The following CHODL variants were observed in gnomAD, a reference collection of about 807,000 sequenced individuals.
CHODL encodes chondrolectin.
A neutral mutation model predicts 34.5 loss-of-function variants in CHODL; 29 were observed. That is an observed-to-expected ratio of 0.84 (90% CI 0.63 to 1.15). The LOEUF is 1.15. Among genes scored for constraint, CHODL ranks in the 50% most tolerant of loss-of-function variants. CHODL has a pLI of 0.00. For missense variants in CHODL, 332 were observed against 332.5 expected, an observed-to-expected ratio of 1.00 and a Z score of 0.01; for synonymous variants, 125 against 116.1, an observed-to-expected ratio of 1.08 and a Z score of -0.49.
At chr21:18,132,205 A>C (rs1306288737) in intron 2 of CHODL, among the ~76,000 whole-genome samples, 1 of 151,992 alleles carries the variant, frequency 6.6e-6, no homozygotes, top group East Asian at 1.9e-4. Context: ...AGTTCATTTT[A>C]TTATCTCTTT....
intron 2 of CHODL, among the ~76,000 whole-genome samples, chr21:18,235,272 G>A (rs2074018766): frequency 1.3e-5 from 2 of 152,062 alleles, no homozygotes; most frequent in East Asian, 1.9e-4. Context: ...GTAAAAGCCT[G>A]TGCATGTTTT....
intron 1 of CHODL, among the ~76,000 whole-genome samples, chr21:17,932,608 C>T (rs1301757923): frequency 6.8e-6 from 1 of 147,254 alleles, no homozygotes; most frequent in Admixed American, 6.8e-5. Context: ...TATATACTCC[C>T]GTGAAATGCC....
At chr21:18,095,512 T>C (rs2146535935) in intron 2 of CHODL, among the ~76,000 whole-genome samples, 1 of 152,298 alleles carries the variant, frequency 6.6e-6, no homozygotes, top group Non-Finnish European at 1.5e-5. Context: ...GAACCCATAT[T>C]AAAATGTCTT....
intron 2 of CHODL, among the ~76,000 whole-genome samples, chr21:18,055,049 T>C (rs2146474845): frequency 6.6e-6 from 1 of 152,068 alleles, no homozygotes; most frequent in Admixed American, 6.6e-5. Flanking sequence ...TCTATCCAGT[T>C]TAGATCCTAA....
intron 2 of CHODL, among the ~76,000 whole-genome samples, chr21:18,171,081 C>A (rs1316108368): frequency 7.9e-6 from 1 of 126,510 alleles, no homozygotes; most frequent in Non-Finnish European, 1.7e-5. Flanking sequence ...ATTATTATTT[C>A]AATTATTTTG....
At chr21:18,172,898 G>A (rs1490867471) in intron 2 of CHODL, among the ~76,000 whole-genome samples, 1 of 152,090 alleles carries the variant, frequency 6.6e-6, no homozygotes, top group Admixed American at 6.5e-5. Context: ...TCTTGGGGTA[G>A]GTTCTCATCT....
intron 2 of CHODL, among the ~76,000 whole-genome samples, chr21:18,207,334 T>TA (rs1161740093): frequency 6.6e-6 from 1 of 152,198 alleles, no homozygotes; most frequent in African/African-American, 2.4e-5. Flanking sequence ...TAAACAAAGA[T>TA]AAAACGAATA....
At chr21:18,101,925 C>T (rs2065219913) in intron 2 of CHODL, among the ~76,000 whole-genome samples, 1 of 151,466 alleles carries the variant, frequency 6.6e-6, no homozygotes, top group African/African-American at 2.4e-5. Flanking sequence ...ATGAAGTGTC[C>T]AAAATTAATA....
rs1163457444 is a variant in CHODL, at chr21:18,028,272, TTTTCCCCTTCCTTC to T, written c.-45+302_-45+315del. 8.3e-3 allele frequency among the ~76,000 whole-genome samples: 580 copies of T among 70,122 alleles called. 10 individuals carry two copies. The highest frequency in any genetic ancestry group is 0.034 in the African/African-American group (547 of 16,100). 46.0% of individuals were successfully genotyped at this position (70,122 alleles called of 152,430 possible). On this transcript the variant is annotated intron_variant, in intron 2 of 6. Transcript: ENST00000400127. Reference sequence around the variant, plus strand: ...CTTTTCCTTTTCTTTTTCTTTTTCCTTTTCCCCTTCCTTCCTTCCTTCCTTCCTTCCTTCCTTCC... The same window carrying T: ...CTTTTCCTTTTCTTTTTCTTTTTCCTCTTCCTTCCTTCCTTCCTTCCTTCC...
intron 2 of CHODL, among the ~76,000 whole-genome samples, chr21:18,180,600 T>C (rs2073370559): frequency 6.6e-6 from 1 of 152,230 alleles, no homozygotes; most frequent in South Asian, 2.1e-4. Context: ...CACAATATTA[T>C]CTCAGAAGGA....
rs145472123 is a variant in CHODL at position 18,025,538 on chromosome 21, G to A, written c.-144-2334G>A. On this transcript the variant is annotated intron_variant, in intron 1 of 6. Transcript: ENST00000400127. ...TCTATGTCCCTCTACTTCTTCGTTC[G>A]GTTTCAATACATATTTCATAGCATT... Among the ~76,000 whole-genome samples, 866 of 151,986 alleles carry A rather than the reference G, an allele frequency of 5.7e-3. 5 individuals carry two copies. The highest frequency in any genetic ancestry group is 0.018 in the South Asian group (86 of 4,802).
At chr21:18,131,638 T>G (rs570413993) in intron 2 of CHODL, among the ~76,000 whole-genome samples, 196 of 152,308 alleles carry the variant, frequency 1.3e-3, no homozygotes, top group Non-Finnish European at 2.2e-3. Context: ...CACTGGTTTT[T>G]TAATAATGAT....
At chr21:18,053,276 T>C (rs772590823) in intron 2 of CHODL, among the ~76,000 whole-genome samples, 18 of 151,978 alleles carry the variant, frequency 1.2e-4, no homozygotes, top group Non-Finnish European at 2.1e-4. Context: ...TTTTTTCTCT[T>C]GCCAAAGAAC....
At position 18,201,890 on chromosome 21, in the gene CHODL, C is replaced by T. The variant is rs894942445; in HGVS notation, c.-44-54619C>T. Among the ~76,000 whole-genome samples the T allele has an allele frequency of 6.0e-5, 9 of 150,458 alleles. No individual in the cohort carries two copies. In the South Asian group the frequency reaches 1.1e-3, roughly 18 times the overall value. On this transcript the variant is annotated intron_variant, in intron 2 of 6. Transcript: ENST00000400127. ...CGCGATCTCGGCTCACTGGAAGCTC[C>T]GCCTCCCGGGTTCCCGCCATTCTCC...
chr21:18,217,554 C>A (rs564998586), intron 2 of CHODL, among the ~76,000 whole-genome samples: 2 of 152,068 alleles, frequency 1.3e-5, no homozygotes, highest in Non-Finnish European at 2.9e-5. Context: ...ATAGGAACTA[C>A]GATTCAAGAT....
intron 2 of CHODL, among the ~76,000 whole-genome samples, chr21:18,220,883 G>A (rs1050181379): frequency 2.6e-5 from 4 of 151,922 alleles, no homozygotes; most frequent in East Asian, 1.9e-4. Flanking sequence ...ATCTTTTTGG[G>A]TTCAATTCAT....
chr21:18,162,525 G>A (rs930445008), intron 2 of CHODL, among the ~76,000 whole-genome samples: 3 of 151,568 alleles, frequency 2.0e-5, no homozygotes, highest in East Asian at 3.9e-4. Flanking sequence ...CACTTGTCAC[G>A]TTGGATTAGG....
chr21:18,084,927 G>GTGTGTGTGTGTA (rs1555864955), intron 2 of CHODL, among the ~76,000 whole-genome samples: 78 of 137,368 alleles, frequency 5.7e-4, no homozygotes, highest in African/African-American at 2.3e-3. Flanking sequence ...AATAGTGTGT[G>GTGTGTGTGTGTA]TGTGTGTGTG....
intron 1 of CHODL, among the ~76,000 whole-genome samples, chr21:17,977,694 G>C (rs182010307): frequency 6.9e-6 from 1 of 144,178 alleles, no homozygotes; most frequent in Non-Finnish European, 1.5e-5. Flanking sequence ...TGAGGCAGGC[G>C]AATCCCGAGG....
Sources: allele counts gnomAD v4.1 joint callset (sites outside exome capture counted in the v4.1 genomes callset), GRCh38; gene constraint gnomAD v4.1.1; transcripts MANE v1.5; gene names NCBI Gene and HGNC (gene_info 2026-07-23, HGNC 2026-07-21).